CTRB2: variants seen among roughly 807,000 people sequenced by gnomAD.
CTRB2 encodes chymotrypsinogen B2.
A neutral mutation model predicts 19.3 loss-of-function variants in CTRB2; 9 were observed. The observed-to-expected ratio is 0.47, with a 90% CI of 0.28 to 0.81. CTRB2 has a LOEUF of 0.81. Among genes scored for constraint, CTRB2 ranks in the 40% least tolerant of loss-of-function variants. CTRB2 has a pLI of 0.11. For missense variants in CTRB2, 210 were observed against 269.7 expected, an observed-to-expected ratio of 0.78 and a Z score of 1.55; for synonymous variants, 98 against 117.3, an observed-to-expected ratio of 0.84 and a Z score of 1.06.
At position 75,206,173 on chromosome 16, in the gene CTRB2, G is replaced by GA; in HGVS notation, c.72_73insT (p.His25SerfsTer66). 1 of 1,555,432 alleles carries GA rather than the reference G, an allele frequency of 6.4e-7. No homozygotes were observed. Among genetic ancestry groups the GA allele is most frequent in the Non-Finnish European group, 8.7e-7 (1 of 1,149,132 alleles). ...CTGGACAGGCCGCTGAGCACAGGGT[G>GA]GATGGCGGGGACCCCGCAGCCTGGG... is the stretch of plus-strand genomic sequence containing the variant. On this transcript the variant is annotated frameshift_variant, in exon 2 of 7. Transcript: ENST00000303037. LOFTEE classifies it high-confidence loss of function.
intron 6 of CTRB2, 106 bp downstream of exon 6, chr16:75,204,667 C>G: frequency 6.5e-7 from 1 of 1,545,778 alleles, no homozygotes; most frequent in Non-Finnish European, 8.7e-7. Context: ...CTCACTGGGC[C>G]CCAGGAGGGT....
Position 75,204,234 on chromosome 16 carries a change from G to T in CTRB2, c.719C>A (p.Thr240Asn), listed in dbSNP as rs755921589. ...IVSWGSRTCSTTTPAVYARVA... is the reference protein window; with the variant it reads ...IVSWGSRTCSNTTPAVYARVA... Reference sequence around the variant, plus strand: ...ACGGGCGTACACAGCGGGCGTGGTGGTAGAGCAGGTGCGGCTGCCCCAGGA... The same window carrying T: ...ACGGGCGTACACAGCGGGCGTGGTGTTAGAGCAGGTGCGGCTGCCCCAGGA... Residue 240 changes from threonine (T) to asparagine (N), a missense_variant, in exon 7 of 7, where the codon ACC (threonine) becomes AAC (asparagine). By Grantham distance (65) the Thr-to-Asn change is moderately conservative. This residue lies in a region of CTRB2 where 120 missense variants were observed against 90.8 expected (regional missense o/e 1.32). Transcript: ENST00000303037. The T allele has an allele frequency of 4.3e-6, 7 of 1,614,006 alleles. No homozygotes were observed. The highest frequency in any genetic ancestry group is 1.3e-5 in the African/African-American group (1 of 74,904).
chr16:75,206,572 C>T (rs1344640205), intron 1 of CTRB2: 2 of 342,336 alleles, frequency 5.8e-6, no homozygotes, highest in African/African-American at 2.1e-5. Flanking sequence ...GTGGGGATCA[C>T]GCTGTTTCTG....
Position 75,207,119 on chromosome 16 carries a change from G to A in CTRB2, c.23C>T (p.Ser8Phe). 1 of 1,558,740 alleles carries A rather than the reference G, an allele frequency of 6.4e-7. No homozygotes were observed. The highest frequency in any genetic ancestry group is 8.7e-7 in the Non-Finnish European group (1 of 1,150,400). ...GGTGGTACCCAGGAGGGCCCAGCAG[G>A]AGAGGAGCCAGAGGAAAGCCATGGT... MAFLWLL[S>F]CWALLGTTFG... Residue 8 changes from serine (S) to phenylalanine (F), a missense_variant, in exon 1 of 7, where the codon TCC becomes TTC. Physicochemically the swap from Ser to Phe is radical, Grantham distance 155. Around this residue, in one of 4 missense-constraint regions of CTRB2, gnomAD observed 57 missense variants for 72.6 expected, o/e 0.79. Transcript: ENST00000303037.
intron 6 of CTRB2, 52 bp downstream of exon 6, chr16:75,204,721 C>A (rs1290380815): frequency 6.1e-6 from 9 of 1,484,220 alleles, no homozygotes; most frequent in South Asian, 1.2e-5. Flanking sequence ...AAAGCCCAGA[C>A]CTCCCCTGCA....
In CTRB2 at chr16:75,204,799, C is replaced by G; in HGVS notation, c.604G>C (p.Gly202Arg). Residue 202 changes from glycine (G) to arginine (R), a missense_variant, in exon 6 of 7, where the codon GGG becomes CGG. Physicochemically the swap from Gly to Arg is moderately radical, Grantham distance 125 (BLOSUM62 -2). Around this residue, in one of 4 missense-constraint regions of CTRB2, gnomAD observed 120 missense variants for 90.8 expected, o/e 1.32. Coordinates refer to ENST00000303037, the MANE Select transcript of CTRB2 (RefSeq NM_001025200.4). ...RRITDVMICA[G>R]ASGVSSCMGD... The stretch of plus-strand genomic sequence containing the variant: ...ATGCAGGAGGAGACGCCACTGGCCC[C>G]GGCACAGATCATCACGTCGGTGATC... 2 of 1,438,930 alleles carry G rather than the reference C, an allele frequency of 1.4e-6. No homozygotes were observed. The highest frequency in any genetic ancestry group is 1.3e-5 in the South Asian group (1 of 79,716). The allele number at this position is 1,438,930 out of a possible 1,614,324, so 89.1% of individuals were successfully genotyped here.
At chr16:75,206,896 G>C in intron 1 of CTRB2, 194 bp downstream of exon 1, 3 of 602,642 alleles carry the variant, frequency 5.0e-6, no homozygotes, top group African/African-American at 1.8e-5. Context: ...CCTGAGCTCA[G>C]AGGCGGCAGC....
chr16:75,206,366 A>T, intron 1 of CTRB2, 173 bp from the exon 2 acceptor site: 1 of 669,624 alleles, frequency 1.5e-6, no homozygotes, highest in East Asian at 2.7e-5. Context: ...ATCCCCAGGT[A>T]CAACTGAGTC....
At chr16:75,206,464 CG>C (rs2038893734) in intron 1 of CTRB2, 3 of 519,428 alleles carry the variant, frequency 5.8e-6, no homozygotes, top group Non-Finnish European at 6.8e-6. Flanking sequence ...GTGCGGTGGG[CG>C]GCAGCCCCGG....
rs1413204004 is a variant in CTRB2, at chr16:75,206,211, C to T, written c.53-18G>A. ...CCCGCAGCCTGGGGGCGGGAGTGGG[C>T]TGAGGGGTGGGTACCACCCACCCAG... On this transcript the variant is annotated intron_variant, in intron 1 of 6. Transcript: ENST00000303037. 1 of 1,553,054 alleles carries T rather than the reference C, an allele frequency of 6.4e-7. No individual in the cohort carries two copies. The highest frequency in any genetic ancestry group is 2.4e-5 in the East Asian group (1 of 41,330).
At position 75,207,061 on chromosome 16, in the gene CTRB2, C is replaced by G. The variant is rs779081030; in HGVS notation, c.52+29G>C. On this transcript the variant is annotated intron_variant, in intron 1 of 6. Transcript: ENST00000303037. ...GGGCTGGGAGTGAGAGGAGAAAACCCTTCGGCCTCCGCAGGGCCTGGCACT... is the reference window on the plus strand; with the variant it reads ...GGGCTGGGAGTGAGAGGAGAAAACCGTTCGGCCTCCGCAGGGCCTGGCACT... 3.9e-6 allele frequency: 6 copies of G among 1,549,780 alleles called. No homozygotes were observed. In the South Asian group the frequency reaches 7.1e-5, roughly 18 times the overall value.
rs2038888023 is a variant in CTRB2 at position 75,206,149 on chromosome 16, TGG to T, written c.95_96del (p.Ser32Ter). On this transcript the variant is annotated frameshift_variant, in exon 2 of 7. Coordinates refer to ENST00000303037, the MANE Select transcript of CTRB2 (RefSeq NM_001025200.4). LOFTEE classifies it high-confidence loss of function. ...PAIHPVLSGL[S>X]RIVNGEDAVP... The stretch of plus-strand genomic sequence containing the variant: ...ACGGCGTCCTCCCCATTCACGATCC[TGG>T]ACAGGCCGCTGAGCACAGGGTGGAT... 6.4e-7 allele frequency: 1 copy of T among 1,550,702 alleles called. No homozygotes were observed. The highest frequency in any genetic ancestry group is 8.7e-7 in the Non-Finnish European group (1 of 1,146,746).
chr16:75,204,237 G>A lies in CTRB2; in HGVS notation c.716C>T (p.Ser239Phe), dbSNP rs202142318. 5 of 1,614,120 alleles carry A rather than the reference G, an allele frequency of 3.1e-6. No homozygotes were observed. The highest frequency in any genetic ancestry group is 2.7e-5 in the African/African-American group (2 of 75,030). ...GIVSWGSRTC[S>F]TTTPAVYARV... ...GGCGTACACAGCGGGCGTGGTGGTA[G>A]AGCAGGTGCGGCTGCCCCAGGACAC... is the stretch of plus-strand genomic sequence containing the variant. The change falls in exon 7 of 7, where the codon TCT becomes TTT. Residue 239 changes from serine (S) to phenylalanine (F), a missense_variant. Around this residue, in one of 4 missense-constraint regions of CTRB2, gnomAD observed 120 missense variants for 90.8 expected, o/e 1.32. Transcript: ENST00000303037.
chr16:75,206,465 G>A lies in CTRB2; in HGVS notation c.53-272C>T, dbSNP rs147862155. ...CACACAGGTGGAGCGTGCGGTGGGC[G>A]GCAGCCCCGGCGCTCAGTCTGGGAG... On this transcript the variant is annotated intron_variant, in intron 1 of 6. Coordinates refer to ENST00000303037, the MANE Select transcript of CTRB2 (RefSeq NM_001025200.4). 3.7e-4 allele frequency: 195 copies of A among 523,916 alleles called. No homozygotes were observed. In the Middle Eastern group the frequency reaches 3.9e-3, roughly 10 times the overall value. The allele number at this position is 523,916 out of a possible 1,614,324, so 32.5% of individuals were successfully genotyped here.
chr16:75,207,144 T>G lies in CTRB2; in HGVS notation c.-3A>C, dbSNP rs1398029561. The G allele has an allele frequency of 6.4e-7, 1 of 1,557,456 alleles. No homozygotes were observed. Among genetic ancestry groups the G allele is most frequent in the Non-Finnish European group, 8.7e-7 (1 of 1,149,660 alleles). On this transcript the variant is annotated 5_prime_UTR_variant, in exon 1 of 7. Coordinates refer to ENST00000303037, the MANE Select transcript of CTRB2 (RefSeq NM_001025200.4). Reference sequence around the variant, plus strand: ...GAGAGGAGCCAGAGGAAAGCCATGGTGCCGCTGGCAGGGGTGTAGGACGCC... The same window carrying G: ...GAGAGGAGCCAGAGGAAAGCCATGGGGCCGCTGGCAGGGGTGTAGGACGCC...
At chr16:75,206,220 G>C (rs1396105629) in intron 1 of CTRB2, 27 bp from the exon 2 acceptor site, 4 of 1,547,970 alleles carry the variant, frequency 2.6e-6, no homozygotes, top group Non-Finnish European at 2.6e-6. Flanking sequence ...GCTGAGGGGT[G>C]GGTACCACCC....
intron 1 of CTRB2, 27 bp downstream of exon 1, chr16:75,207,063 T>C (rs1011834719): frequency 1.3e-6 from 2 of 1,549,618 alleles, no homozygotes; most frequent in Non-Finnish European, 1.7e-6. Context: ...AGAAAACCCT[T>C]CGGCCTCCGC....
Position 75,207,071 on chromosome 16 carries a change from C to A in CTRB2, c.52+19G>T. ...TGAGAGGAGAAAACCCTTCGGCCTC[C>A]GCAGGGCCTGGCACTCACCGAAGGT... is the stretch of plus-strand genomic sequence containing the variant. On this transcript the variant is annotated intron_variant, in intron 1 of 6. Transcript: ENST00000303037. 6.4e-7 allele frequency: 1 copy of A among 1,551,618 alleles called. No homozygotes were observed. The highest frequency in any genetic ancestry group is 8.7e-7 in the Non-Finnish European group (1 of 1,146,982).
At chr16:75,204,397 C>T (rs1177789109) in intron 6 of CTRB2, 75 bp from the exon 7 acceptor site, 6 of 1,434,106 alleles carry the variant, frequency 4.2e-6, no homozygotes, top group East Asian at 2.4e-5. Flanking sequence ...CTGGTGGAGT[C>T]TAGGGAGGGG....
Sources: allele counts gnomAD v4.1 joint callset, GRCh38; gene constraint gnomAD v4.1.1; regional missense constraint gnomAD v4.1.1; transcripts MANE v1.5; gene names NCBI Gene and HGNC (gene_info 2026-07-23, HGNC 2026-07-21).